The following PALLD variants were observed in gnomAD, a reference collection of about 807,000 sequenced individuals.
PALLD encodes the protein palladin, cytoskeletal associated protein.
In PALLD, 61 loss-of-function variants were observed where a neutral mutation model predicts 123.5. That is an observed-to-expected ratio of 0.49 (90% CI 0.40 to 0.61). PALLD has a LOEUF of 0.61. Among genes scored for constraint, PALLD ranks in the 20% least tolerant of loss-of-function variants. PALLD has a pLI of 0.00. For synonymous variants in PALLD, 465 were observed against 496.4 expected (o/e 0.94, Z 0.84); for missense variants, 1,273 against 1,377.0 (o/e 0.92, Z 1.20).
chr4:168,913,792 G>T (rs1425216292), intron 15 of PALLD, 135 bp from the exon 16 acceptor site: 15 of 707,008 alleles, frequency 2.1e-5, no homozygotes, highest in Middle Eastern at 3.3e-4. Context: ...TCTGAAAAGG[G>T]TTAGTCATTA....
chr4:168,924,483 A>C, intron 19 of PALLD, 63 bp downstream of exon 19: 1 of 1,413,470 alleles, frequency 7.1e-7, no homozygotes, highest in Non-Finnish European at 1.0e-6. Context: ...ATCAAAAGAT[A>C]CATTTTATAT....
At chr4:168,653,117 G>A (rs765913669) in intron 2 of PALLD, among the ~76,000 whole-genome samples, 1 of 152,092 alleles carries the variant, frequency 6.6e-6, no homozygotes, top group Non-Finnish European at 1.5e-5. Context: ...CTAGTGACAG[G>A]GAACTCACTA....
chr4:168,547,202 A>T lies in PALLD; in HGVS notation c.908+34790A>T, dbSNP rs972673854. Reference sequence around the variant, plus strand: ...CCCTGGACCGTCGCCCCACACGCCTACTAACTGGGTGTGTGGCAAGCACCC... The same window carrying T: ...CCCTGGACCGTCGCCCCACACGCCTTCTAACTGGGTGTGTGGCAAGCACCC... On this transcript the variant is annotated intron_variant, in intron 2 of 21. Coordinates refer to ENST00000505667, the MANE Select transcript of PALLD (RefSeq NM_001166108.2). 2.6e-5 allele frequency among the ~76,000 whole-genome samples: 4 copies of T among 152,138 alleles called. No homozygotes were observed. The East Asian group carries it at 7.7e-4, about 29-fold the overall frequency.
rs182565430 is a variant in PALLD at position 168,543,162 on chromosome 4, G to A, written c.908+30750G>A. ...TTCCTAGCTCCATCATTTGCAAGCT[G>A]TGTGACACTGAGAACGTCACTTGCC... On this transcript the variant is annotated intron_variant, in intron 2 of 21. Coordinates refer to ENST00000505667, the MANE Select transcript of PALLD (RefSeq NM_001166108.2). Among the ~76,000 whole-genome samples the A allele has an allele frequency of 1.6e-3, 251 of 152,156 alleles. 3 individuals are homozygous for A. The highest frequency in any genetic ancestry group is 3.4e-3 in the Middle Eastern group (1 of 294).
At chr4:168,842,506 A>G (rs147508523) in intron 10 of PALLD, among the ~76,000 whole-genome samples, 287 of 152,292 alleles carry the variant, frequency 1.9e-3, no homozygotes, top group Non-Finnish European at 1.5e-3. Context: ...GCTTTGTGAT[A>G]CTTTCTTTTA....
At chr4:168,676,381 G>A (rs1780831836) in intron 3 of PALLD, among the ~76,000 whole-genome samples, 1 of 151,784 alleles carries the variant, frequency 6.6e-6, no homozygotes, top group Non-Finnish European at 1.5e-5. Context: ...AGGAAAAGAA[G>A]TAAATAATAG....
chr4:168,891,052 C>A lies in PALLD; in HGVS notation c.2095C>A (p.Gln699Lys). 6.2e-7 allele frequency: 1 copy of A among 1,614,084 alleles called. No individual in the cohort carries two copies. Among genetic ancestry groups the A allele is most frequent in the Middle Eastern group, 1.6e-4 (1 of 6,062 alleles). Residue 699 changes from glutamine to lysine, a missense_variant, in exon 11 of 22, where the codon CAG (glutamine) becomes AAG (lysine). Around this residue, in one of 2 missense-constraint regions of PALLD, gnomAD observed 944 missense variants for 954.5 expected, o/e 0.99. Coordinates refer to ENST00000505667, the MANE Select transcript of PALLD (RefSeq NM_001166108.2). ...CAAGGAGGACCTCCTGAACAATGGC[C>A]AGCCGGTACTGATAGATTTGGGACC... ...RFKEDLLNNG[Q>K]PRLTYEERMA...
At chr4:168,731,903 T>G (rs1787210523) in intron 10 of PALLD, among the ~76,000 whole-genome samples, 1 of 152,230 alleles carries the variant, frequency 6.6e-6, no homozygotes, top group East Asian at 1.9e-4. Flanking sequence ...AACAAGTGGT[T>G]CTTTTGTGCA....
At chr4:168,852,948 T>C (rs1279302594) in intron 10 of PALLD, among the ~76,000 whole-genome samples, 1 of 152,256 alleles carries the variant, frequency 6.6e-6, no homozygotes, top group Admixed American at 6.5e-5. Flanking sequence ...CAGTTGTTTT[T>C]GGTAATATTA....
chr4:168,701,165 G>A (rs978787243), intron 8 of PALLD, among the ~76,000 whole-genome samples: 6 of 152,240 alleles, frequency 3.9e-5, no homozygotes, highest in African/African-American at 1.2e-4. Flanking sequence ...AGAAAGTAAT[G>A]TTTGTGGGGA....
chr4:168,552,969 C>T (rs1322997081), intron 2 of PALLD, among the ~76,000 whole-genome samples: 1 of 152,084 alleles, frequency 6.6e-6, no homozygotes, highest in African/African-American at 2.4e-5. Context: ...TGCCACCACG[C>T]CCAGACAATA....
chr4:168,574,919 A>C (rs1048378659), intron 2 of PALLD, among the ~76,000 whole-genome samples: 4 of 152,132 alleles, frequency 2.6e-5, no homozygotes, highest in African/African-American at 9.7e-5. Flanking sequence ...TCTCTGACTC[A>C]CTTAAAAATG....
chr4:168,526,307 GCTTTCAGATTTTGAT>G (rs1165946906), intron 2 of PALLD, among the ~76,000 whole-genome samples: 3 of 152,214 alleles, frequency 2.0e-5, no homozygotes, highest in African/African-American at 4.8e-5. Context: ...TAGTTTTCTG[GCTTTCAGATTTTGAT>G]CTTTCAGATT....
At chr4:168,510,082 T>C (rs978870398) in intron 1 of PALLD, among the ~76,000 whole-genome samples, 1 of 152,194 alleles carries the variant, frequency 6.6e-6, no homozygotes, top group African/African-American at 2.4e-5. Flanking sequence ...GTTCACCACA[T>C]CCAGGAAGCT....
intron 10 of PALLD, among the ~76,000 whole-genome samples, chr4:168,742,733 T>C (rs1022990739): frequency 2.0e-5 from 3 of 152,220 alleles, no homozygotes. Flanking sequence ...TGGGTGTATT[T>C]GCATCTAGTG....
At chr4:168,575,126 A>C (rs545877749) in intron 2 of PALLD, among the ~76,000 whole-genome samples, 1 of 152,144 alleles carries the variant, frequency 6.6e-6, no homozygotes, top group Non-Finnish European at 1.5e-5. Context: ...TCGCTACAGC[A>C]ATAGTTCTCT....
At chr4:168,811,768 TCTCTCTCTCACA>T (rs146436771) in intron 10 of PALLD, among the ~76,000 whole-genome samples, 2,775 of 109,868 alleles carry the variant, frequency 0.025, 43 homozygotes, top group Non-Finnish European at 0.037. Flanking sequence ...TCTCTCTCTC[TCTCTCTCTCACA>T]CACACACACA....
chr4:168,671,782 A>G (rs1014746784), intron 3 of PALLD, among the ~76,000 whole-genome samples: 4 of 152,210 alleles, frequency 2.6e-5, no homozygotes, highest in African/African-American at 9.7e-5. Context: ...AGACTCACCC[A>G]TATTCCTATT....
intron 10 of PALLD, among the ~76,000 whole-genome samples, chr4:168,786,293 A>T (rs375728605): frequency 1.3e-5 from 2 of 152,046 alleles, no homozygotes; most frequent in East Asian, 3.9e-4. Flanking sequence ...GCACCACTGC[A>T]CTCCAGCCTG....
Sources: gnomAD v4.1 joint callset for allele counts (sites outside exome capture counted in the v4.1 genomes callset) on GRCh38, gnomAD v4.1.1 for gene constraint, gnomAD v4.1.1 regional missense constraint, MANE v1.5 for transcripts, NCBI Gene and HGNC (gene_info 2026-07-23, HGNC 2026-07-21) for gene names.